Variants in ERGIC1 observed in about 807,000 individuals in gnomAD.
ERGIC1 encodes endoplasmic reticulum-golgi intermediate compartment 1, also known as endoplasmic reticulum-Golgi intermediate compartment protein 1.
In ERGIC1, 19 loss-of-function variants were observed where a neutral mutation model predicts 38.3. That is an observed-to-expected ratio of 0.50 (90% CI 0.35 to 0.73). The LOEUF is 0.73. Ranked by LOEUF, ERGIC1 falls within the 30% of genes least tolerant of loss-of-function variation. The probability of loss-of-function intolerance (pLI) is 0.01; values close to 1 mark genes in which losing one functional copy is unlikely to be tolerated. For missense variants in ERGIC1, 294 were observed against 389.2 expected (o/e 0.76, Z 2.06); for synonymous variants, 124 against 157.6 (o/e 0.79, Z 1.60).
intron 4 of ERGIC1, among the ~76,000 whole-genome samples, chr5:172,913,554 G>A (rs1763265240): frequency 6.6e-6 from 1 of 152,218 alleles, no homozygotes; most frequent in East Asian, 1.9e-4. Flanking sequence ...GAGGAACACA[G>A]AGTTGTTCCC....
intron 9 of ERGIC1, chr5:172,935,582 G>A (rs1763872357): frequency 2.5e-6 from 1 of 404,420 alleles, no homozygotes. Flanking sequence ...ATCTCCATAT[G>A]GTTCCACTAG....
At chr5:172,893,882 T>TACACAC (rs1762632108) in intron 2 of ERGIC1, among the ~76,000 whole-genome samples, 2 of 18,990 alleles carry the variant, frequency 1.1e-4, no homozygotes, top group Non-Finnish European at 2.2e-4. Context: ...TATATATATA[T>TACACAC]ATATATATAT....
At chr5:172,859,653 G>C (rs1261107794) in intron 1 of ERGIC1, among the ~76,000 whole-genome samples, 1 of 152,160 alleles carries the variant, frequency 6.6e-6, no homozygotes, top group Admixed American at 6.5e-5. Flanking sequence ...CACCTTAAAG[G>C]GGCCCCTGGA....
chr5:172,842,122 C>G (rs757549724), intron 1 of ERGIC1, among the ~76,000 whole-genome samples: 8 of 152,232 alleles, frequency 5.3e-5, no homozygotes, highest in Non-Finnish European at 1.2e-4. Context: ...TCTCGGCTCA[C>G]TGCAACCTCC....
At chr5:172,929,503 T>C (rs2113462905) in intron 7 of ERGIC1, among the ~76,000 whole-genome samples, 1 of 152,288 alleles carries the variant, frequency 6.6e-6, no homozygotes, top group Admixed American at 6.5e-5. Context: ...GTGTCTCCAG[T>C]GGGCATTTGG....
intron 1 of ERGIC1, among the ~76,000 whole-genome samples, chr5:172,866,285 G>A (rs1459589844): frequency 2.0e-5 from 3 of 152,154 alleles, no homozygotes; most frequent in Non-Finnish European, 4.4e-5. Context: ...GTGTGGGAGG[G>A]AGATGCTCAC....
rs1400572366 is a variant in ERGIC1, at chr5:172,834,871, T to A, written c.20+438T>A. On this transcript the variant is annotated intron_variant, in intron 1 of 9. Coordinates refer to ENST00000393784, the MANE Select transcript of ERGIC1 (RefSeq NM_001031711.3). This position sits in a 1 kb window ranked among gnomAD's most constrained non-coding sequence, Gnocchi z 4.1. ...GAGTCCGGAGGGGCCTGGGGCCCCA[T>A]GCAGCCTGCCGGCAGCTGGAGGGTT... Among the ~76,000 whole-genome samples the A allele has an allele frequency of 6.6e-6, 1 of 152,120 alleles. No individual in the cohort carries two copies. Among genetic ancestry groups the A allele is most frequent in the African/African-American group, 2.4e-5 (1 of 41,420 alleles).
chr5:172,902,214 C>T (rs1311468560), intron 3 of ERGIC1, among the ~76,000 whole-genome samples: 1 of 152,122 alleles, frequency 6.6e-6, no homozygotes, highest in African/African-American at 2.4e-5. Flanking sequence ...GGTGGCCAAA[C>T]AGGCAGATGG....
At chr5:172,847,024 G>A (rs1002486690) in intron 1 of ERGIC1, among the ~76,000 whole-genome samples, 8 of 152,218 alleles carry the variant, frequency 5.3e-5, no homozygotes, top group African/African-American at 1.9e-4. Context: ...TCTCAGTGCT[G>A]TAATGCAACA....
At chr5:172,909,401 C>T (rs536341851) in intron 3 of ERGIC1, among the ~76,000 whole-genome samples, 27 of 151,976 alleles carry the variant, frequency 1.8e-4, no homozygotes, top group Non-Finnish European at 3.2e-4. Context: ...CTCAGGTGAC[C>T]CACCCACCTT....
Position 172,859,596 on chromosome 5 carries a change from C to T in ERGIC1, c.20+25163C>T, listed in dbSNP as rs148742984. The stretch of plus-strand genomic sequence containing the variant: ...GAAACTGGGGCTCAGAGAGCTGCCG[C>T]AGGTGCCTGGTGCTGCTGGTCACTT... On this transcript the variant is annotated intron_variant, in intron 1 of 9. Transcript: ENST00000393784. 1.4e-3 allele frequency among the ~76,000 whole-genome samples: 207 copies of T among 152,352 alleles called. 1 individual carries two copies. The highest frequency in any genetic ancestry group is 4.9e-3 in the African/African-American group (202 of 41,584).
intron 4 of ERGIC1, among the ~76,000 whole-genome samples, chr5:172,912,361 T>A (rs934483581): frequency 6.6e-6 from 1 of 152,152 alleles, no homozygotes; most frequent in Admixed American, 6.5e-5. Context: ...ACTGATAATA[T>A]TATCTTCCCC....
At position 172,914,254 on chromosome 5, in the gene ERGIC1, A is replaced by ATAAAAT. The variant is rs1554112478; in HGVS notation, c.251-460_251-459insTAAAAT. ...TGTCTCAAAAAAAAAAAAAAAAAAA[A>ATAAAAT]AAATACAAAGACTATCTGAGATACA... On this transcript the variant is annotated intron_variant, in intron 4 of 9. Coordinates refer to ENST00000393784, the MANE Select transcript of ERGIC1 (RefSeq NM_001031711.3). Among the ~76,000 whole-genome samples the ATAAAAT allele has an allele frequency of 1.6e-3, 211 of 131,336 alleles. 2 individuals carry two copies. The highest frequency in any genetic ancestry group is 1.5e-3 in the East Asian group (7 of 4,792). 86.2% of individuals were successfully genotyped at this position (131,336 alleles called of 152,430 possible).
intron 3 of ERGIC1, among the ~76,000 whole-genome samples, chr5:172,907,691 G>A (rs748844210): frequency 3.9e-5 from 6 of 152,230 alleles, no homozygotes; most frequent in Admixed American, 6.5e-5. Flanking sequence ...TGATGCCTAC[G>A]CATCCCCCAG....
chr5:172,838,966 C>T (rs953981253), intron 1 of ERGIC1, among the ~76,000 whole-genome samples: 4 of 152,074 alleles, frequency 2.6e-5, no homozygotes, highest in African/African-American at 7.2e-5. Context: ...ATAAAATGAG[C>T]GCTGTGGCTC....
intron 1 of ERGIC1, among the ~76,000 whole-genome samples, chr5:172,878,421 T>A (rs1380677502): frequency 3.3e-5 from 5 of 152,150 alleles, no homozygotes; most frequent in Non-Finnish European, 5.9e-5. Context: ...TGGCCCTGCA[T>A]CTTGGGCAAG....
At chr5:172,868,061 T>C (rs1761916436) in intron 1 of ERGIC1, among the ~76,000 whole-genome samples, 1 of 152,154 alleles carries the variant, frequency 6.6e-6, no homozygotes, top group African/African-American at 2.4e-5. Flanking sequence ...CATAGAAAGC[T>C]CAGGAATGTA....
chr5:172,909,522 G>C (rs927872320), intron 3 of ERGIC1, 145 bp from the exon 4 acceptor site: 15 of 704,038 alleles, frequency 2.1e-5, no homozygotes, highest in Non-Finnish European at 3.5e-5. Context: ...CCGTGCCTGA[G>C]GGCACAGGAG....
chr5:172,932,150 C>T (rs548150414), intron 7 of ERGIC1, among the ~76,000 whole-genome samples: 13 of 152,314 alleles, frequency 8.5e-5, no homozygotes, highest in African/African-American at 2.9e-4. Context: ...TGAGCCACCA[C>T]GCCTGGCCAA....
Sources: gnomAD v4.1 joint callset for allele counts (sites outside exome capture counted in the v4.1 genomes callset) on GRCh38, gnomAD v4.1.1 for gene constraint, Gnocchi (gnomAD v3.1) non-coding constraint, MANE v1.5 for transcripts, NCBI Gene and HGNC (gene_info 2026-07-23, HGNC 2026-07-21) for gene names.